The following CCDC178 variants were observed in gnomAD, a reference collection of about 807,000 sequenced individuals.
CCDC178 encodes coiled-coil domain-containing protein 178.
CCDC178 carries 126 observed loss-of-function variants against 117.4 expected under a neutral mutation model. That is an observed-to-expected ratio of 1.07 (90% CI 0.93 to 1.24). The LOEUF is 1.24. Ranked by LOEUF, CCDC178 falls within the 50% of genes most tolerant of loss-of-function variation. The pLI is 0.00. For synonymous variants in CCDC178, 283 were observed against 313.4 expected, an observed-to-expected ratio of 0.90 and a Z score of 1.02; for missense variants, 1,030 against 986.9, an observed-to-expected ratio of 1.04 and a Z score of -0.59.
At chr18:32,958,765 TCTGCAAGCTTG>T (rs1438380796) in intron 22 of CCDC178, among the ~76,000 whole-genome samples, 1 of 152,182 alleles carries the variant, frequency 6.6e-6, no homozygotes, top group Non-Finnish European at 1.5e-5. Flanking sequence ...AGACTTTAAT[TCTGCAAGCTTG>T]CTGCCTTCCT....
Position 33,044,572 on chromosome 18 carries a change from T to C in CCDC178, c.2388+48189A>G, listed in dbSNP as rs76527172. Among the ~76,000 whole-genome samples the C allele has an allele frequency of 7.0e-3, 1,058 of 152,070 alleles. 9 individuals are homozygous for C. The highest frequency in any genetic ancestry group is 0.024 in the African/African-American group (1,013 of 41,490). On this transcript the variant is annotated intron_variant, in intron 21 of 22. Coordinates refer to ENST00000383096, the MANE Select transcript of CCDC178 (RefSeq NM_001105528.4). ...AGAAAAGAGAACACTTATACACTCT[T>C]GGTGGGAATGTAAACTAATACAACC...
intron 21 of CCDC178, among the ~76,000 whole-genome samples, chr18:33,021,016 T>C (rs762409055): frequency 6.6e-6 from 1 of 152,208 alleles, no homozygotes; most frequent in African/African-American, 2.4e-5. Context: ...ATTTCTCACG[T>C]AGGATTCAGA....
chr18:33,390,654 C>A (rs543464071), intron 4 of CCDC178, among the ~76,000 whole-genome samples: 1 of 151,964 alleles, frequency 6.6e-6, no homozygotes, highest in Non-Finnish European at 1.5e-5. Context: ...TGATAAAAAT[C>A]AAAATAACAG....
At chr18:33,011,813 A>G (rs1305456791) in intron 21 of CCDC178, among the ~76,000 whole-genome samples, 1 of 137,654 alleles carries the variant, frequency 7.3e-6, no homozygotes, top group African/African-American at 2.7e-5. Flanking sequence ...AAAAAAGGAC[A>G]CAGGAAGTGA....
chr18:33,151,117 A>T (rs992898665), intron 20 of CCDC178, among the ~76,000 whole-genome samples: 5 of 152,196 alleles, frequency 3.3e-5, no homozygotes, highest in Non-Finnish European at 7.4e-5. Flanking sequence ...GTGAGAGATA[A>T]AAGACTATGT....
At chr18:33,050,783 C>T in intron 21 of CCDC178, among the ~76,000 whole-genome samples, 1 of 152,094 alleles carries the variant, frequency 6.6e-6, no homozygotes, top group African/African-American at 2.4e-5. Flanking sequence ...CAAGAAAGAC[C>T]TAGAATTTAT....
chr18:33,237,388 C>T (rs549218184), intron 15 of CCDC178, among the ~76,000 whole-genome samples: 15 of 152,028 alleles, frequency 9.9e-5, no homozygotes, highest in South Asian at 4.1e-4. Context: ...AAAAGGTCCC[C>T]GAGCCAATAA....
intron 14 of CCDC178, among the ~76,000 whole-genome samples, chr18:33,246,097 T>G (rs1454383793): frequency 1.3e-5 from 2 of 151,894 alleles, no homozygotes; most frequent in Non-Finnish European, 2.9e-5. Context: ...AATAAAACTT[T>G]GTGCTTCTAA....
chr18:33,209,275 A>C (rs561107036), intron 20 of CCDC178, among the ~76,000 whole-genome samples: 39 of 152,142 alleles, frequency 2.6e-4, no homozygotes, highest in Non-Finnish European at 4.9e-4. Context: ...ATCAAATTTA[A>C]CTCCAGAACC....
intron 10 of CCDC178, among the ~76,000 whole-genome samples, chr18:33,324,423 CT>C (rs1365336518): frequency 6.6e-5 from 10 of 151,954 alleles, no homozygotes; most frequent in Admixed American, 5.9e-4. Context: ...TTCAAACGTA[CT>C]GTTAAAACAG....
intron 2 of CCDC178, among the ~76,000 whole-genome samples, chr18:33,418,074 A>AC (rs1185591410): frequency 6.6e-6 from 1 of 152,190 alleles, no homozygotes; most frequent in Non-Finnish European, 1.5e-5. Flanking sequence ...TCCTTGATGA[A>AC]CATAGATGCA....
At chr18:33,083,133 A>G (rs1433779258) in intron 21 of CCDC178, among the ~76,000 whole-genome samples, 1 of 152,216 alleles carries the variant, frequency 6.6e-6, no homozygotes, top group Non-Finnish European at 1.5e-5. Context: ...TTGTCAGAAA[A>G]GCTGTATCAA....
intron 21 of CCDC178, among the ~76,000 whole-genome samples, chr18:32,988,183 G>C (rs1298030612): frequency 6.6e-6 from 1 of 151,876 alleles, no homozygotes; most frequent in Non-Finnish European, 1.5e-5. Context: ...TGTAATCCTA[G>C]CACTTTGGGA....
intron 20 of CCDC178, among the ~76,000 whole-genome samples, chr18:33,187,695 T>G (rs1340672801): frequency 6.6e-6 from 1 of 152,160 alleles, no homozygotes; most frequent in Non-Finnish European, 1.5e-5. Context: ...TCAGGCCAAA[T>G]TTATTCATAC....
At chr18:33,365,301 A>T (rs1056493575) in intron 6 of CCDC178, among the ~76,000 whole-genome samples, 1 of 152,096 alleles carries the variant, frequency 6.6e-6, no homozygotes, top group East Asian at 1.9e-4. Context: ...AAGTTTTCCA[A>T]TGAGAATGAC....
At chr18:33,330,605 ACAAT>A (rs984148002) in intron 10 of CCDC178, among the ~76,000 whole-genome samples, 1 of 152,156 alleles carries the variant, frequency 6.6e-6, no homozygotes, top group Non-Finnish European at 1.5e-5. Context: ...CTCTAGAGAA[ACAAT>A]CAATAGGAGC....
intron 22 of CCDC178, among the ~76,000 whole-genome samples, chr18:32,948,479 G>GTT (rs1015554664): frequency 6.6e-6 from 1 of 152,006 alleles, no homozygotes; most frequent in Admixed American, 6.5e-5. Context: ...TCCAATCACT[G>GTT]TTAGCACATT....
chr18:33,018,652 T>C (rs987717526), intron 21 of CCDC178, among the ~76,000 whole-genome samples: 5 of 152,134 alleles, frequency 3.3e-5, no homozygotes, highest in African/African-American at 1.2e-4. Flanking sequence ...TATATCTACA[T>C]ACACTATGAT....
At chr18:33,293,430 G>A (rs1279556618) in intron 11 of CCDC178, 118 bp from the exon 12 acceptor site, 1 of 508,632 alleles carries the variant, frequency 2.0e-6, no homozygotes, top group Non-Finnish European at 3.3e-6. Flanking sequence ...GGAGGCCAAG[G>A]TAGCAGATGG....
Sources: gnomAD v4.1 joint callset for allele counts (sites outside exome capture counted in the v4.1 genomes callset) on GRCh38, gnomAD v4.1.1 for gene constraint, MANE v1.5 for transcripts, NCBI Gene and HGNC (gene_info 2026-07-23, HGNC 2026-07-21) for gene names.